Variants in MYLK observed in about 807,000 individuals in gnomAD.
The protein encoded by MYLK is myosin light chain kinase, smooth muscle.
In MYLK, 106 loss-of-function variants were observed where a neutral mutation model predicts 203.4. The observed-to-expected ratio is 0.52, with a 90% CI of 0.45 to 0.61. MYLK has a LOEUF of 0.61. MYLK is among the 20% of genes least tolerant of loss of function. The pLI, the probability that MYLK is intolerant of heterozygous loss-of-function variation, is 0.00. For synonymous variants in MYLK, 867 were observed against 959.5 expected (o/e 0.90, Z 1.78); for missense variants, 2,072 against 2,442.3 (o/e 0.85, Z 3.20).
chr3:123,734,099 G>A lies in MYLK; in HGVS notation c.897C>T (p.Ser299=), dbSNP rs1560148693. 2.5e-6 allele frequency: 4 copies of A among 1,608,496 alleles called. No individual in the cohort carries two copies. The African/African-American group carries it at 4.0e-5, about 16-fold the overall frequency. ...EAAAKSKNCS[S]PQRGGSPPWA... ...AGGGTGGGGAGCCACCTCTCTGGGGGCTGGAGCAGTTCTTGCTTTTGGCTG... is the reference window on the plus strand; with the variant it reads ...AGGGTGGGGAGCCACCTCTCTGGGGACTGGAGCAGTTCTTGCTTTTGGCTG... Residue 299 remains serine, a synonymous_variant, in exon 10 of 34, where the codon AGC becomes AGT. Coordinates refer to ENST00000360304, the MANE Select transcript of MYLK (RefSeq NM_053025.4).
At chr3:123,655,641 CT>C (rs1242376550) in intron 24 of MYLK, among the ~76,000 whole-genome samples, 1 of 152,194 alleles carries the variant, frequency 6.6e-6, no homozygotes, top group African/African-American at 2.4e-5. Context: ...AGCCTGACCT[CT>C]TCCCTCAGTC....
intron 15 of MYLK, 41 bp downstream of exon 15, chr3:123,708,657 C>T: frequency 1.9e-6 from 3 of 1,611,362 alleles, no homozygotes; most frequent in Non-Finnish European, 2.5e-6. Context: ...GGGGCTGCAG[C>T]AGCATCTCCT....
chr3:123,622,320 C>A (rs2057912455), intron 31 of MYLK: 1 of 152,278 alleles, frequency 6.6e-6, no homozygotes, highest in African/African-American at 2.4e-5. Context: ...TTGTGCAAGT[C>A]AGTTCCCCTC....
intron 12 of MYLK, among the ~76,000 whole-genome samples, chr3:123,723,516 G>C (rs772058478): frequency 6.6e-6 from 1 of 152,142 alleles, no homozygotes; most frequent in Non-Finnish European, 1.5e-5. Context: ...CCTGACTGCC[G>C]CCAATGTGTC....
chr3:123,730,791 T>A (rs1481797789), intron 11 of MYLK, among the ~76,000 whole-genome samples: 1 of 152,158 alleles, frequency 6.6e-6, no homozygotes, highest in Non-Finnish European at 1.5e-5. Context: ...TGGGTAGGAT[T>A]TTTTTGGGAG....
At chr3:123,882,821 T>C (rs2033627078) in intron 1 of MYLK, among the ~76,000 whole-genome samples, 1 of 152,202 alleles carries the variant, frequency 6.6e-6, no homozygotes, top group South Asian at 2.1e-4. Context: ...AATTCCATGC[T>C]GCCCTAGAGC....
intron 1 of MYLK, among the ~76,000 whole-genome samples, chr3:123,879,384 C>A (rs2033371181): frequency 6.6e-6 from 1 of 152,076 alleles, no homozygotes; most frequent in African/African-American, 2.4e-5. Flanking sequence ...GAGCTAACAG[C>A]CTTCAGACAC....
intron 23 of MYLK, among the ~76,000 whole-genome samples, chr3:123,659,432 C>G (rs780480532): frequency 6.6e-6 from 1 of 152,172 alleles, no homozygotes; most frequent in Non-Finnish European, 1.5e-5. Context: ...ATATGTGATA[C>G]GTAAGACTTG....
chr3:123,824,835 G>A (rs1355912463), intron 3 of MYLK, among the ~76,000 whole-genome samples: 1 of 152,050 alleles, frequency 6.6e-6, no homozygotes, highest in Non-Finnish European at 1.5e-5. Flanking sequence ...AAAGCAGAAT[G>A]ATCATCTTCA....
Position 123,700,736 on chromosome 3 carries a change from G to C in MYLK, c.2732C>G (p.Ser911Trp). ...TGGGATCTCCTTCAGGTCGTCTTCC[G>C]ATAGGGTCTTTGTACTCACCTTCTT... ...LGKKVSTKTL[S>W]EDDLKEIPAE... Residue 911 changes from serine (S) to tryptophan (W), a missense_variant, in exon 18 of 34, where the codon TCG (serine) becomes TGG (tryptophan). This residue lies in a region of MYLK where 865 missense variants were observed against 1,016.0 expected (regional missense o/e 0.85). Transcript: ENST00000360304. 6.2e-7 allele frequency: 1 copy of C among 1,614,168 alleles called. No individual in the cohort carries two copies. The highest frequency in any genetic ancestry group is 8.5e-7 in the Non-Finnish European group (1 of 1,180,036).
In MYLK at chr3:123,700,742, G is replaced by C. The variant is rs754246956; in HGVS notation, c.2726C>G (p.Thr909Ser). Reference protein sequence around the residue: ...DLLGKKVSTKTLSEDDLKEIP... With the variant: ...DLLGKKVSTKSLSEDDLKEIP... ...CTCCTTCAGGTCGTCTTCCGATAGG[G>C]TCTTTGTACTCACCTTCTTCCCCAG... Residue 909 changes from threonine (T) to serine (S), a missense_variant, in exon 18 of 34, where the codon ACC (threonine) becomes AGC (serine). Thr to Ser is a moderately conservative substitution (Grantham distance 58, BLOSUM62 1). This residue lies in a region of MYLK where 865 missense variants were observed against 1,016.0 expected (regional missense o/e 0.85). Coordinates refer to ENST00000360304, the MANE Select transcript of MYLK (RefSeq NM_053025.4). 4 of 1,614,190 alleles carry C rather than the reference G, an allele frequency of 2.5e-6. No individual in the cohort carries two copies. Among genetic ancestry groups the C allele is most frequent in the Non-Finnish European group, 3.4e-6 (4 of 1,180,032 alleles).
chr3:123,741,314 C>A (rs2062849286), intron 5 of MYLK, among the ~76,000 whole-genome samples: 1 of 152,224 alleles, frequency 6.6e-6, no homozygotes, highest in Non-Finnish European at 1.5e-5. Flanking sequence ...ATAACAAACA[C>A]TGGCATCACA....
intron 28 of MYLK, among the ~76,000 whole-genome samples, chr3:123,639,612 G>A (rs545717786): frequency 3.0e-4 from 46 of 152,288 alleles, no homozygotes; most frequent in South Asian, 8.3e-4. Flanking sequence ...AGTGCTTTCA[G>A]GGCGGCCTTG....
At chr3:123,664,405 C>T in intron 22 of MYLK, 147 bp from the exon 23 acceptor site, 1 of 1,121,392 alleles carries the variant, frequency 8.9e-7, no homozygotes, top group Non-Finnish European at 1.3e-6. Context: ...TGCCCTTCTC[C>T]CTGAGGCCCC....
intron 2 of MYLK, among the ~76,000 whole-genome samples, chr3:123,851,450 G>A (rs908186391): frequency 3.9e-4 from 59 of 152,202 alleles, no homozygotes; most frequent in Middle Eastern, 3.4e-3. Context: ...TCCTTGAAGA[G>A]GTCCTTCACA....
intron 2 of MYLK, among the ~76,000 whole-genome samples, chr3:123,850,493 A>G (rs1423746664): frequency 6.6e-6 from 1 of 152,234 alleles, no homozygotes; most frequent in Non-Finnish European, 1.5e-5. Flanking sequence ...TCTGATGGCC[A>G]GTGATGATGA....
intron 4 of MYLK, among the ~76,000 whole-genome samples, chr3:123,788,887 A>G (rs1576980308): frequency 6.6e-6 from 1 of 152,236 alleles, no homozygotes; most frequent in East Asian, 1.9e-4. Flanking sequence ...CTCAAGAGAC[A>G]CTAAAGTATT....
At chr3:123,719,200 C>T (rs1260756968) in intron 13 of MYLK, among the ~76,000 whole-genome samples, 1 of 152,220 alleles carries the variant, frequency 6.6e-6, no homozygotes, top group Non-Finnish European at 1.5e-5. Context: ...GGCACGGTAT[C>T]TGCTGAGCTC....
At chr3:123,652,197 A>G (rs1179935924) in intron 24 of MYLK, among the ~76,000 whole-genome samples, 1 of 152,170 alleles carries the variant, frequency 6.6e-6, no homozygotes, top group Non-Finnish European at 1.5e-5. Context: ...AGGAAAGACC[A>G]CAGTTCAATT....
Sources: allele counts gnomAD v4.1 joint callset (sites outside exome capture counted in the v4.1 genomes callset), GRCh38; gene constraint gnomAD v4.1.1; regional missense constraint gnomAD v4.1.1; transcripts MANE v1.5; gene names NCBI Gene and HGNC (gene_info 2026-07-23, HGNC 2026-07-21).